The following ZNF385D variants were observed in gnomAD, a reference collection of about 807,000 sequenced individuals.
ZNF385D encodes the protein zinc finger protein 385D.
ZNF385D carries 15 observed loss-of-function variants against 35.8 expected under a neutral mutation model. The observed-to-expected ratio is 0.42, with a 90% CI of 0.28 to 0.64. The LOEUF (loss-of-function observed/expected upper bound fraction) is 0.64. Ranked by LOEUF, ZNF385D falls within the 30% of genes least tolerant of loss-of-function variation. The pLI, the probability that ZNF385D is intolerant of heterozygous loss-of-function variation, is 0.23. For synonymous variants in ZNF385D, 212 were observed against 186.8 expected (o/e 1.13, Z -1.10); for missense variants, 474 against 494.6 (o/e 0.96, Z 0.39).
intron 3 of ZNF385D, among the ~76,000 whole-genome samples, chr3:22,102,965 T>C (rs1357027894): frequency 6.7e-6 from 1 of 149,714 alleles, no homozygotes; most frequent in Non-Finnish European, 1.5e-5. Flanking sequence ...ATTTTTACAA[T>C]GTGCTTTTTA....
chr3:22,253,756 T>A (rs987074648), intron 2 of ZNF385D, among the ~76,000 whole-genome samples: 4 of 151,964 alleles, frequency 2.6e-5, no homozygotes, highest in Non-Finnish European at 4.4e-5. Context: ...GTGAGCATAT[T>A]AGAAAACAAA....
intron 3 of ZNF385D, among the ~76,000 whole-genome samples, chr3:22,030,368 T>A (rs1316253225): frequency 1.4e-5 from 2 of 140,778 alleles, no homozygotes; most frequent in Non-Finnish European, 3.1e-5. Context: ...TAATTTCACA[T>A]GGTTTAAGAG....
chr3:21,975,751 A>G (rs1203459550), intron 3 of ZNF385D, among the ~76,000 whole-genome samples: 4 of 112,354 alleles, frequency 3.6e-5, no homozygotes, highest in Non-Finnish European at 6.5e-5. Context: ...ATATATATAT[A>G]TATACACACA....
intron 3 of ZNF385D, among the ~76,000 whole-genome samples, chr3:21,794,445 T>G (rs1486424322): frequency 6.6e-6 from 1 of 152,096 alleles, no homozygotes; most frequent in Non-Finnish European, 1.5e-5. Flanking sequence ...CTGTTTAGGT[T>G]GCTACAACAA....
At chr3:22,019,857 G>A (rs1360797194) in intron 3 of ZNF385D, among the ~76,000 whole-genome samples, 1 of 151,650 alleles carries the variant, frequency 6.6e-6, no homozygotes, top group Non-Finnish European at 1.5e-5. Context: ...ACCAAGCACA[G>A]GGTCCTCTAT....
At chr3:22,100,683 TG>T (rs1258218634) in intron 3 of ZNF385D, among the ~76,000 whole-genome samples, 4 of 66,972 alleles carry the variant, frequency 6.0e-5, no homozygotes, top group Non-Finnish European at 1.1e-4. Context: ...GGGAATGTTG[TG>T]GGGTGGGGGG....
intron 3 of ZNF385D, among the ~76,000 whole-genome samples, chr3:21,791,099 T>A (rs566578476): frequency 6.6e-6 from 1 of 152,342 alleles, no homozygotes; most frequent in African/African-American, 2.4e-5. Context: ...AAATCACAAG[T>A]ACTTTTCATG....
intron 3 of ZNF385D, among the ~76,000 whole-genome samples, chr3:21,953,318 T>C (rs1702149109): frequency 1.3e-5 from 2 of 152,060 alleles, no homozygotes; most frequent in African/African-American, 4.8e-5. Flanking sequence ...TTATTTAGTT[T>C]TTGGATGACA....
At chr3:21,769,986 A>G (rs2125608353) in intron 3 of ZNF385D, among the ~76,000 whole-genome samples, 1 of 152,318 alleles carries the variant, frequency 6.6e-6, no homozygotes, top group East Asian at 1.9e-4. Flanking sequence ...AGCAATGGGG[A>G]ACGGATTCCC....
intron 3 of ZNF385D, among the ~76,000 whole-genome samples, chr3:22,076,213 T>C (rs1700455097): frequency 6.6e-6 from 1 of 151,838 alleles, no homozygotes; most frequent in African/African-American, 2.4e-5. Flanking sequence ...TCAAAAGTCC[T>C]CATTAGTTTC....
chr3:21,976,557 A>G (rs1309486312), intron 3 of ZNF385D, among the ~76,000 whole-genome samples: 2 of 152,250 alleles, frequency 1.3e-5, no homozygotes, highest in Non-Finnish European at 2.9e-5. Flanking sequence ...TACAGGAGAC[A>G]TATGTAACAG....
intron 1 of ZNF385D, among the ~76,000 whole-genome samples, chr3:21,711,036 A>G (rs1448754880): frequency 8.5e-5 from 6 of 70,890 alleles, no homozygotes; most frequent in African/African-American, 3.5e-4. Context: ...TATCCCTCTA[A>G]AAGTTTTTTT....
At chr3:22,326,804 C>T (rs1357769799) in intron 2 of ZNF385D, among the ~76,000 whole-genome samples, 6 of 152,222 alleles carry the variant, frequency 3.9e-5, no homozygotes, top group Admixed American at 2.6e-4. Flanking sequence ...GGAACACCCA[C>T]ATCAAGATAC....
intron 2 of ZNF385D, among the ~76,000 whole-genome samples, chr3:22,357,004 T>C (rs1455096690): frequency 2.6e-5 from 4 of 151,912 alleles, no homozygotes; most frequent in Non-Finnish European, 5.9e-5. Context: ...TAATAAAACC[T>C]ACATTTTACT....
intron 1 of ZNF385D, among the ~76,000 whole-genome samples, chr3:21,678,153 A>G (rs1275879574): frequency 6.6e-6 from 1 of 152,114 alleles, no homozygotes. Context: ...GACAGACAAT[A>G]GAATAATGCT....
chr3:21,692,162 C>T (rs2067306486), intron 1 of ZNF385D, among the ~76,000 whole-genome samples: 1 of 152,196 alleles, frequency 6.6e-6, no homozygotes, highest in Admixed American at 6.5e-5. Context: ...CCTCTCACAA[C>T]ACTTTTCTGG....
At chr3:21,562,271 TTTATA>T (rs1412122981) in intron 3 of ZNF385D, among the ~76,000 whole-genome samples, 1 of 152,180 alleles carries the variant, frequency 6.6e-6, no homozygotes, top group Non-Finnish European at 1.5e-5. Flanking sequence ...GTCATATCAA[TTTATA>T]TTATTGTTAA....
At chr3:22,184,265 A>G (rs566843492) in intron 2 of ZNF385D, among the ~76,000 whole-genome samples, 11 of 151,820 alleles carry the variant, frequency 7.2e-5, no homozygotes, top group South Asian at 4.1e-4. Context: ...TGGAAAAGTG[A>G]TATTTCACAC....
Position 21,759,001 on chromosome 3 carries a change from A to AAAAAAAAAC in ZNF385D, c.326-93974_326-93973insGTTTTTTTT, listed in dbSNP as rs1559593528. Among the ~76,000 whole-genome samples, 6 of 133,144 alleles carry AAAAAAAAAC rather than the reference A, an allele frequency of 4.5e-5. 1 individual carries two copies. Among genetic ancestry groups the AAAAAAAAAC allele is most frequent in the Admixed American group, 7.3e-5 (1 of 13,608 alleles). 87.3% of individuals were successfully genotyped at this position (133,144 alleles called of 152,430 possible). On this transcript the variant is annotated intron_variant, in intron 3 of 5. Coordinates refer to the ZNF385D transcript ENST00000494108. ...AAAAAAAAAAAAAAAAAAAAAAAAA[A>AAAAAAAAAC]AAAAACAGTGGTGATGCTATTGTAA...
Sources: allele counts gnomAD v4.1 joint callset (sites outside exome capture counted in the v4.1 genomes callset), GRCh38; gene constraint gnomAD v4.1.1; transcripts MANE v1.5; gene names NCBI Gene and HGNC (gene_info 2026-07-23, HGNC 2026-07-21).